THSD7B: variants seen among roughly 807,000 people sequenced by gnomAD.
THSD7B encodes thrombospondin type 1 domain containing 7B.
A neutral mutation model predicts 213.6 loss-of-function variants in THSD7B; 138 were observed. The ratio of observed to expected loss-of-function variants is 0.65; its 90% CI spans 0.56 to 0.74. THSD7B has a LOEUF of 0.74. Ranked by LOEUF, THSD7B falls within the 30% of genes least tolerant of loss-of-function variation. The pLI, the probability that THSD7B is intolerant of heterozygous loss-of-function variation, is 0.00. For synonymous variants in THSD7B, 742 were observed against 687.0 expected (o/e 1.08, Z -1.25); for missense variants, 1,931 against 1,991.5 (o/e 0.97, Z 0.58).
At chr2:137,032,819 A>C (rs2104854004) in intron 2 of THSD7B, among the ~76,000 whole-genome samples, 1 of 152,320 alleles carries the variant, frequency 6.6e-6, no homozygotes, top group African/African-American at 2.4e-5. Context: ...AGTATCCTTT[A>C]ATTTATCATT....
chr2:136,972,956 A>C (rs1685427487), intron 2 of THSD7B, among the ~76,000 whole-genome samples: 1 of 151,750 alleles, frequency 6.6e-6, no homozygotes, highest in Non-Finnish European at 1.5e-5. Context: ...TCTTCTCCTC[A>C]CTCCCCACAA....
intron 2 of THSD7B, among the ~76,000 whole-genome samples, chr2:136,925,755 C>T (rs78584793): frequency 0.015 from 2,228 of 152,140 alleles, 72 homozygotes; most frequent in African/African-American, 0.051. Context: ...TAATTTTTCT[C>T]TAAGTATTTG....
intron 15 of THSD7B, among the ~76,000 whole-genome samples, chr2:137,518,518 G>A (rs1422092845): frequency 1.3e-5 from 2 of 152,180 alleles, no homozygotes; most frequent in East Asian, 3.9e-4. Context: ...AAAAAATTTG[G>A]CGATGAGGTA....
At chr2:137,083,577 G>A (rs1489069761) in intron 3 of THSD7B, among the ~76,000 whole-genome samples, 1 of 152,026 alleles carries the variant, frequency 6.6e-6, no homozygotes, top group Non-Finnish European at 1.5e-5. Context: ...AGTTTGCCTA[G>A]TGGCAGAAAA....
At chr2:136,944,253 G>GT (rs1684885624) in intron 2 of THSD7B, among the ~76,000 whole-genome samples, 1 of 152,160 alleles carries the variant, frequency 6.6e-6, no homozygotes, top group African/African-American at 2.4e-5. Context: ...GAGACAGTTT[G>GT]TTGTGATTTC....
intron 7 of THSD7B, among the ~76,000 whole-genome samples, chr2:137,219,390 A>C (rs1435708736): frequency 6.6e-6 from 1 of 152,142 alleles, no homozygotes; most frequent in East Asian, 1.9e-4. Flanking sequence ...ATTTTTCATA[A>C]ATTCCAAAAT....
At chr2:137,498,074 A>C (rs1445291188) in intron 15 of THSD7B, among the ~76,000 whole-genome samples, 1 of 152,238 alleles carries the variant, frequency 6.6e-6, no homozygotes, top group African/African-American at 2.4e-5. Context: ...AATCCAAGGC[A>C]TATGGAACTT....
intron 2 of THSD7B, among the ~76,000 whole-genome samples, chr2:136,974,159 T>G (rs1573743178): frequency 6.6e-6 from 1 of 152,236 alleles, no homozygotes; most frequent in African/African-American, 2.4e-5. Flanking sequence ...TCAAAAATGC[T>G]TTATATATAG....
intron 2 of THSD7B, among the ~76,000 whole-genome samples, chr2:136,961,214 T>TTTTTA (rs1685212239): frequency 1.4e-5 from 2 of 137,996 alleles, no homozygotes; most frequent in Non-Finnish European, 3.0e-5. Context: ...TTGACATGTA[T>TTTTTA]TTTTCTTTTC....
chr2:136,776,297 T>C (rs1681602428), intron 1 of THSD7B, among the ~76,000 whole-genome samples: 1 of 152,206 alleles, frequency 6.6e-6, no homozygotes, highest in African/African-American at 2.4e-5. Flanking sequence ...TTATATTTTC[T>C]TTAATCTTTA....
intron 1 of THSD7B, among the ~76,000 whole-genome samples, chr2:136,864,648 G>GC (rs1683305207): frequency 6.6e-6 from 1 of 152,012 alleles, no homozygotes; most frequent in Non-Finnish European, 1.5e-5. Context: ...CACCTCCCAG[G>GC]TTCACATCAT....
At chr2:137,362,058 AAG>A (rs1347666396) in intron 12 of THSD7B, among the ~76,000 whole-genome samples, 1 of 152,208 alleles carries the variant, frequency 6.6e-6, no homozygotes, top group Non-Finnish European at 1.5e-5. Context: ...TACAAGCCAG[AAG>A]AGAGTGGGGG....
chr2:136,776,033 C>T (rs1558801091), intron 1 of THSD7B, among the ~76,000 whole-genome samples: 1 of 152,086 alleles, frequency 6.6e-6, no homozygotes, highest in Non-Finnish European at 1.5e-5. Flanking sequence ...CTATGGTTGG[C>T]CCAGTCAAGG....
At chr2:137,562,949 C>G (rs868081268) in intron 15 of THSD7B, among the ~76,000 whole-genome samples, 1 of 152,092 alleles carries the variant, frequency 6.6e-6, no homozygotes, top group Non-Finnish European at 1.5e-5. Flanking sequence ...TAATGGAATT[C>G]CTATTCTTGG....
intron 18 of THSD7B, among the ~76,000 whole-genome samples, 188 bp downstream of exon 18, chr2:137,616,504 A>C (rs769969960): frequency 1.9e-4 from 29 of 152,184 alleles, no homozygotes; most frequent in Non-Finnish European, 3.5e-4. Flanking sequence ...TGGCATGTAG[A>C]ATCAGCAAGG....
intron 12 of THSD7B, among the ~76,000 whole-genome samples, chr2:137,384,413 G>A (rs999930007): frequency 6.6e-6 from 1 of 152,320 alleles, no homozygotes; most frequent in African/African-American, 2.4e-5. Context: ...TCAGGAGGGA[G>A]AGAGATGTAA....
intron 1 of THSD7B, among the ~76,000 whole-genome samples, chr2:136,843,758 T>C (rs1682954001): frequency 6.6e-6 from 1 of 152,144 alleles, no homozygotes; most frequent in South Asian, 2.1e-4. Flanking sequence ...CTGTACTGAG[T>C]AGGCAAAGAA....
Position 136,799,410 on chromosome 2 carries a change from A to G in THSD7B, c.-36+33723A>G, listed in dbSNP as rs116351527. 7.1e-3 allele frequency among the ~76,000 whole-genome samples: 1,080 copies of G among 152,152 alleles called. 22 individuals are homozygous for G. Among genetic ancestry groups the G allele is most frequent in the African/African-American group, 0.025 (1,027 of 41,550 alleles). On this transcript the variant is annotated intron_variant, in intron 1 of 27. Transcript: ENST00000409968. ...TTTTCTTTTGGTGACAAAAATGCTTACATATTCAATAGTTTTCATAGATTC... is the reference window on the plus strand; with the variant it reads ...TTTTCTTTTGGTGACAAAAATGCTTGCATATTCAATAGTTTTCATAGATTC...
intron 15 of THSD7B, among the ~76,000 whole-genome samples, chr2:137,459,320 C>A (rs1479960129): frequency 6.6e-6 from 1 of 152,060 alleles, no homozygotes; most frequent in African/African-American, 2.4e-5. Flanking sequence ...CAGGTTCCTG[C>A]AGAAAAACAT....
Sources: allele counts gnomAD v4.1 joint callset (sites outside exome capture counted in the v4.1 genomes callset), GRCh38; gene constraint gnomAD v4.1.1; transcripts MANE v1.5; gene names NCBI Gene and HGNC (gene_info 2026-07-23, HGNC 2026-07-21).